The following SLC4A7 variants were observed in gnomAD, a reference collection of about 807,000 sequenced individuals.
The protein encoded by SLC4A7 is sodium bicarbonate cotransporter 3.
Under a neutral mutation model 137.6 loss-of-function variants are expected in SLC4A7, and 51 were observed. The ratio of observed to expected loss-of-function variants is 0.37; its 90% CI spans 0.30 to 0.47. The LOEUF is 0.47. SLC4A7 is among the 20% of genes least tolerant of loss of function. SLC4A7 has a pLI of 1.00. For synonymous variants in SLC4A7, 542 were observed against 518.6 expected (o/e 1.05, Z -0.61); for missense variants, 1,247 against 1,525.4 (o/e 0.82, Z 3.04).
chr3:27,390,227 A>G, intron 21 of SLC4A7, 123 bp from the exon 22 acceptor site: 1 of 304,362 alleles, frequency 3.3e-6, no homozygotes, highest in South Asian at 3.5e-5. Context: ...ATTTTCTGAT[A>G]GTACAGGAGA....
chr3:27,386,071 G>C, intron 22 of SLC4A7, 48 bp from the exon 23 acceptor site: 1 of 1,423,452 alleles, frequency 7.0e-7, no homozygotes, highest in Non-Finnish European at 9.6e-7. Flanking sequence ...AATACAAACT[G>C]TATCACTTAA....
At chr3:27,386,444 T>C (rs1330254746) in intron 22 of SLC4A7, among the ~76,000 whole-genome samples, 1 of 152,112 alleles carries the variant, frequency 6.6e-6, no homozygotes, top group Admixed American at 6.5e-5. Flanking sequence ...TTCAATCATA[T>C]GGGAGAAATG....
At chr3:27,431,209 T>G (rs939195519) in intron 7 of SLC4A7, 89 bp downstream of exon 7, 2 of 1,314,210 alleles carry the variant, frequency 1.5e-6, no homozygotes, top group African/African-American at 2.9e-5. Flanking sequence ...TATCTACATA[T>G]GCTGCTTAAG....
chr3:27,420,672 T>C, intron 10 of SLC4A7, 28 bp downstream of exon 10: 1 of 1,395,266 alleles, frequency 7.2e-7, no homozygotes, highest in Non-Finnish European at 1.0e-6. Context: ...AGTGTCTACT[T>C]CAAAGAGACT....
Position 27,410,082 on chromosome 3 carries a change from A to G in SLC4A7, c.1767-552T>C, listed in dbSNP as rs957349696. ...AGGGGGAAAGAAATCCCTAAAAACT[A>G]TTTCAGTATATTTAATTTACTGTGT... On this transcript the variant is annotated intron_variant, in intron 12 of 25. Transcript: ENST00000454389. Among the ~76,000 whole-genome samples, 5 of 152,322 alleles carry G rather than the reference A, an allele frequency of 3.3e-5. No homozygotes were observed. In the South Asian group the frequency reaches 1.0e-3, roughly 32 times the overall value.
chr3:27,455,577 T>A (rs2150579778), intron 1 of SLC4A7, among the ~76,000 whole-genome samples: 1 of 149,802 alleles, frequency 6.7e-6, no homozygotes, highest in Admixed American at 6.6e-5. Flanking sequence ...TAAATTTTTT[T>A]TTTTTTTTTT....
At chr3:27,403,439 C>A in intron 14 of SLC4A7, 55 bp from the exon 15 acceptor site, 1 of 1,324,190 alleles carries the variant, frequency 7.6e-7, no homozygotes, top group Non-Finnish European at 1.0e-6. Flanking sequence ...AGTATTTGTA[C>A]CTAAAATTTT....
rs2056285267 is a variant in SLC4A7 at position 27,431,508 on chromosome 3, T to A, written c.940A>T (p.Thr314Ser). 2 of 1,613,440 alleles carry A rather than the reference T, an allele frequency of 1.2e-6. No homozygotes were observed. Among genetic ancestry groups the A allele is most frequent in the Admixed American group, 1.7e-5 (1 of 59,976 alleles). ...CTAGAAGGAGGACTGTTTTGAGGGG[T>A]GGGTACTGGGGTTGTACACCTTGAG... is the stretch of plus-strand genomic sequence containing the variant. ...AGSRCTTPVP[T>S]PQNSPPSSPS... Residue 314 changes from threonine (T) to serine (S), a missense_variant, in exon 7 of 26, where the codon ACC (threonine) becomes TCC (serine). Thr to Ser is a moderately conservative substitution (Grantham distance 58). Transcript: ENST00000454389.
chr3:27,417,060 A>G (rs776504570), intron 11 of SLC4A7, among the ~76,000 whole-genome samples: 14 of 152,222 alleles, frequency 9.2e-5, no homozygotes, highest in Non-Finnish European at 2.1e-4. Context: ...AGAGAGCAAG[A>G]ACAAGTCTAG....
Position 27,397,931 on chromosome 3 carries a change from T to C in SLC4A7, c.2590-134A>G. The C allele has an allele frequency of 4.8e-6, 3 of 626,976 alleles. No individual in the cohort carries two copies. The South Asian group carries it at 6.7e-5, about 14-fold the overall frequency. The allele number at this position is 626,976 out of a possible 1,614,324, so 38.8% of individuals were successfully genotyped here. A position where few individuals can be genotyped will look rare whatever the true frequency, so the allele number is the denominator to read the frequency against. On this transcript the variant is annotated intron_variant, in intron 17 of 25. Coordinates refer to ENST00000454389, the MANE Select transcript of SLC4A7 (RefSeq NM_001321103.2). ...TTTTAACTAGTGACAATGTTAACAG[T>C]GAAACACATTTATATTTAATTCTTT...
At chr3:27,456,701 T>C (rs764958863) in intron 1 of SLC4A7, 5 of 1,611,010 alleles carry the variant, frequency 3.1e-6, no homozygotes, top group Non-Finnish European at 4.2e-6. Context: ...TAGAAATGCC[T>C]TGTTTCTGAT....
chr3:27,480,185 C>G (rs1423562459), intron 1 of SLC4A7, among the ~76,000 whole-genome samples: 1 of 152,198 alleles, frequency 6.6e-6, no homozygotes, highest in Non-Finnish European at 1.5e-5. Flanking sequence ...TTCCCAGTCT[C>G]AATTACCAGG....
At chr3:27,473,705 C>CAAAAAAAA (rs747183440) in intron 1 of SLC4A7, among the ~76,000 whole-genome samples, 1 of 59,464 alleles carries the variant, frequency 1.7e-5, no homozygotes, top group Admixed American at 2.5e-4. Context: ...GACCTCATGT[C>CAAAAAAAA]AAAAAAAAAA....
intron 2 of SLC4A7, 119 bp from the exon 3 acceptor site, chr3:27,448,916 A>G: frequency 1.7e-6 from 1 of 599,248 alleles, no homozygotes; most frequent in East Asian, 3.1e-5. Context: ...TAACAATGGT[A>G]GTCTCCAGTT....
chr3:27,453,387 G>C (rs935866162), intron 1 of SLC4A7, among the ~76,000 whole-genome samples: 1 of 152,160 alleles, frequency 6.6e-6, no homozygotes, highest in African/African-American at 2.4e-5. Context: ...GGCCAAGGTG[G>C]GCAGATCACC....
chr3:27,473,571 G>C (rs1223955425), intron 1 of SLC4A7, among the ~76,000 whole-genome samples: 1 of 151,732 alleles, frequency 6.6e-6, no homozygotes, highest in Non-Finnish European at 1.5e-5. Context: ...AGCCAAGTGT[G>C]GTGGTGCGTG....
chr3:27,441,586 A>G (rs1228573735), intron 3 of SLC4A7, among the ~76,000 whole-genome samples: 1 of 152,068 alleles, frequency 6.6e-6, no homozygotes, highest in Non-Finnish European at 1.5e-5. Flanking sequence ...TCAAACTCCT[A>G]GGCTAAAGGG....
At chr3:27,417,850 C>G (rs923940) in intron 11 of SLC4A7, among the ~76,000 whole-genome samples, 32,452 of 152,140 alleles carry the variant, frequency 0.21, 3,548 homozygotes, top group Non-Finnish European at 0.25. Context: ...GCAACACACA[C>G]TGTCGGTGAG....
chr3:27,418,432 A>G (rs1321393670), intron 11 of SLC4A7, 54 bp downstream of exon 11: 1 of 1,494,260 alleles, frequency 6.7e-7, no homozygotes, highest in African/African-American at 1.4e-5. Context: ...ACCTAATCAA[A>G]AAAAATTTTA....
Sources: gnomAD v4.1 joint callset for allele counts (sites outside exome capture counted in the v4.1 genomes callset) on GRCh38, gnomAD v4.1.1 for gene constraint, MANE v1.5 for transcripts, NCBI Gene and HGNC (gene_info 2026-07-23, HGNC 2026-07-21) for gene names.